Variants in SPICE1 observed in about 807,000 individuals in gnomAD.
SPICE1 encodes spindle and centriole associated protein 1, also known as spindle and centriole-associated protein 1.
A neutral mutation model predicts 102.7 loss-of-function variants in SPICE1; 75 were observed. The ratio of observed to expected loss-of-function variants is 0.73; its 90% CI spans 0.61 to 0.88. The LOEUF is 0.88. Among genes scored for constraint, SPICE1 ranks in the 40% least tolerant of loss-of-function variants. The pLI, the probability that SPICE1 is intolerant of heterozygous loss-of-function variation, is 0.00. For missense variants in SPICE1, 979 were observed against 1,020.1 expected (o/e 0.96, Z 0.55); for synonymous variants, 308 against 350.3 (o/e 0.88, Z 1.35).
intron 7 of SPICE1, among the ~76,000 whole-genome samples, chr3:113,482,192 T>C (rs971824618): frequency 2.0e-5 from 3 of 152,244 alleles, no homozygotes; most frequent in African/African-American, 7.2e-5. Context: ...CGTATGTTTT[T>C]TGGCTGCATA....
intron 11 of SPICE1, among the ~76,000 whole-genome samples, chr3:113,464,023 A>G (rs1442001380): frequency 6.6e-6 from 1 of 151,980 alleles, no homozygotes; most frequent in Non-Finnish European, 1.5e-5. Context: ...AGCTGAGATC[A>G]TGCCACTGCA....
Position 113,465,764 on chromosome 3 carries a change from T to C in SPICE1, c.1176A>G (p.Lys392=), listed in dbSNP as rs1226901329. 1 of 1,613,394 alleles carries C rather than the reference T, an allele frequency of 6.2e-7. No homozygotes were observed. Among genetic ancestry groups the C allele is most frequent in the East Asian group, 2.2e-5 (1 of 44,804 alleles). Residue 392 remains lysine (K), a synonymous_variant, in exon 11 of 18, where the codon AAA becomes AAG. Transcript: ENST00000295872. ...YLKESEIQLR[K]EVETRQQLEQ... ...CCAGTTGTTGCCTTGTCTCTACTTC[T>C]TTACGTAGCTGGATCTCACTCTACA...
chr3:113,450,395 A>G lies in SPICE1; in HGVS notation c.2264T>C (p.Val755Ala). Residue 755 changes from valine (V) to alanine (A), a missense_variant, in exon 15 of 18, where the codon GTT (valine) becomes GCT (alanine). By Grantham distance (64) the Val-to-Ala change is moderately conservative (BLOSUM62 0). Coordinates refer to ENST00000295872, the MANE Select transcript of SPICE1 (RefSeq NM_144718.4). ...CATTGGTGGAGAAAGATTCAAACCA[A>G]CAAGTTTCTGCTGCTCTATCAACTG... The part of the protein sequence containing the change: ...LLQLIEQQKL[V>A]GLNLSPPMSP... 6.2e-7 allele frequency: 1 copy of G among 1,614,126 alleles called. No individual in the cohort carries two copies. Among genetic ancestry groups the G allele is most frequent in the Non-Finnish European group, 8.5e-7 (1 of 1,180,032 alleles).
At chr3:113,489,111 C>A in intron 6 of SPICE1, 48 bp from the exon 7 acceptor site, 1 of 1,192,298 alleles carries the variant, frequency 8.4e-7, no homozygotes, top group Non-Finnish European at 1.2e-6. Context: ...TATATATATA[C>A]TCAGACTTTC....
At chr3:113,447,237 AG>A (rs1458327246) in intron 16 of SPICE1, among the ~76,000 whole-genome samples, 3 of 152,198 alleles carry the variant, frequency 2.0e-5, no homozygotes, top group Admixed American at 6.5e-5. Context: ...TTTAATTTTT[AG>A]AGCTGTTTTA....
chr3:113,474,128 G>C (rs1242356858), intron 7 of SPICE1, among the ~76,000 whole-genome samples: 2 of 151,352 alleles, frequency 1.3e-5, no homozygotes, highest in African/African-American at 2.4e-5. Context: ...AAAGGCAGGG[G>C]TTGCAATCCT....
chr3:113,458,180 CTCCCGTCTCCCTCTCCCGTCTCCCT>C (rs1935826344), intron 12 of SPICE1, among the ~76,000 whole-genome samples: 10 of 302 alleles, frequency 0.033, no homozygotes, highest in African/African-American at 0.047. Flanking sequence ...CCGTCTCCCT[CTCCCGTCTCCCTCTCCCGTCTCCCT>C]CTCCCGTCTC....
At chr3:113,469,073 A>T (rs1936131686) in intron 8 of SPICE1, 26 bp downstream of exon 8, 1 of 1,604,254 alleles carries the variant, frequency 6.2e-7, no homozygotes, top group African/African-American at 1.3e-5. Context: ...GCAGGCACCT[A>T]GAAATAATGC....
chr3:113,472,006 C>T (rs1183313040), intron 7 of SPICE1, among the ~76,000 whole-genome samples: 2 of 152,202 alleles, frequency 1.3e-5, no homozygotes, highest in Non-Finnish European at 2.9e-5. Flanking sequence ...ACTTGGGAAG[C>T]GCGAGGGGTC....
intron 1 of SPICE1, among the ~76,000 whole-genome samples, chr3:113,512,821 A>G (rs1474147996): frequency 1.3e-5 from 2 of 152,088 alleles, no homozygotes; most frequent in Admixed American, 6.6e-5. Context: ...TTGTCTTTCC[A>G]TTAGATACCC....
intron 7 of SPICE1, among the ~76,000 whole-genome samples, chr3:113,488,244 C>T (rs1350911476): frequency 6.6e-6 from 1 of 152,130 alleles, no homozygotes; most frequent in Non-Finnish European, 1.5e-5. Flanking sequence ...GGGAACCACA[C>T]ACTGAATTAT....
At chr3:113,445,514 C>A (rs78208740) in intron 17 of SPICE1, among the ~76,000 whole-genome samples, 154 bp from the exon 18 acceptor site, 1,976 of 152,262 alleles carry the variant, frequency 0.013, 42 homozygotes, top group African/African-American at 0.045. Context: ...AATGTTAATT[C>A]TCTAACAGAG....
chr3:113,471,039 G>A (rs1936182653), intron 7 of SPICE1, among the ~76,000 whole-genome samples: 1 of 152,158 alleles, frequency 6.6e-6, no homozygotes. Flanking sequence ...GGACTTTTGA[G>A]CTAATGAGAT....
At chr3:113,474,522 G>C (rs1936290265) in intron 7 of SPICE1, among the ~76,000 whole-genome samples, 1 of 151,988 alleles carries the variant, frequency 6.6e-6, no homozygotes. Context: ...TTCCAAAATT[G>C]ACCACAAACT....
chr3:113,474,309 G>C (rs1385831801), intron 7 of SPICE1, among the ~76,000 whole-genome samples: 1 of 152,082 alleles, frequency 6.6e-6, no homozygotes, highest in African/African-American at 2.4e-5. Flanking sequence ...GACCTACAAA[G>C]AGACTTAGAC....
chr3:113,449,120 T>C (rs898420022), intron 15 of SPICE1: 15 of 152,326 alleles, frequency 9.8e-5, no homozygotes, highest in African/African-American at 3.6e-4. Context: ...ATTTTAACCA[T>C]ACACAAATAC....
At chr3:113,506,249 T>C (rs1310717868) in intron 2 of SPICE1, among the ~76,000 whole-genome samples, 1 of 152,210 alleles carries the variant, frequency 6.6e-6, no homozygotes, top group Non-Finnish European at 1.5e-5. Flanking sequence ...TTTTTTAAAA[T>C]ATGCTCCCCA....
intron 4 of SPICE1, among the ~76,000 whole-genome samples, chr3:113,496,458 C>G (rs1194247981): frequency 6.6e-6 from 1 of 152,088 alleles, no homozygotes; most frequent in African/African-American, 2.4e-5. Context: ...TCATCTTAGC[C>G]CTTTTGTACC....
chr3:113,489,787 G>A (rs1276919750), intron 6 of SPICE1, among the ~76,000 whole-genome samples: 1 of 148,884 alleles, frequency 6.7e-6, no homozygotes, highest in Non-Finnish European at 1.5e-5. Flanking sequence ...GGTCGAGGCT[G>A]CAGTGAGTTG....
Sources: gnomAD v4.1 joint callset for allele counts (sites outside exome capture counted in the v4.1 genomes callset) on GRCh38, gnomAD v4.1.1 for gene constraint, MANE v1.5 for transcripts, NCBI Gene and HGNC (gene_info 2026-07-23, HGNC 2026-07-21) for gene names.